Variants in AFG3L2 observed in about 807,000 individuals in gnomAD.
AFG3L2 encodes mitochondrial inner membrane m-AAA protease component AFG3L2.
AFG3L2 carries 54 observed loss-of-function variants against 94.5 expected under a neutral mutation model. The ratio of observed to expected loss-of-function variants is 0.57; its 90% CI spans 0.46 to 0.72. AFG3L2 has a LOEUF of 0.72. AFG3L2 is among the 30% of genes least tolerant of loss of function. The pLI, the probability that AFG3L2 is intolerant of heterozygous loss-of-function variation, is 0.00. For synonymous variants in AFG3L2, 377 were observed against 365.5 expected (o/e 1.03, Z -0.36); for missense variants, 754 against 994.9 (o/e 0.76, Z 3.26).
intron 16 of AFG3L2, among the ~76,000 whole-genome samples, chr18:12,334,915 T>TCTAC (rs1252846281): frequency 2.0e-5 from 3 of 152,194 alleles, no homozygotes; most frequent in African/African-American, 4.8e-5. Flanking sequence ...GCCTCAACTT[T>TCTAC]CTACCTAGCT....
intron 3 of AFG3L2, among the ~76,000 whole-genome samples, chr18:12,368,630 A>G (rs1291576092): frequency 6.6e-6 from 1 of 151,936 alleles, no homozygotes; most frequent in East Asian, 1.9e-4. Context: ...AGCTCACTGC[A>G]ACCTCTGCCT....
rs765992493 is a variant in AFG3L2, at chr18:12,344,174, C to G, written c.1737G>C (p.Ala579=). The G allele has an allele frequency of 6.2e-7, 1 of 1,614,032 alleles. No individual in the cohort carries two copies. Among genetic ancestry groups the G allele is most frequent in the Non-Finnish European group, 8.5e-7 (1 of 1,180,048 alleles). ...CGTGCTCCAGATACCAGCCGGCAAC[C>G]GCATGGCCTGCTTCGTGGTATGCCA... The part of the protein sequence containing the change: ...KTVAYHEAGH[A]VAGWYLEHAD... The change falls in exon 14 of 17, where the codon GCG becomes GCC. Residue 579 remains alanine, a synonymous_variant. Coordinates refer to ENST00000269143, the MANE Select transcript of AFG3L2 (RefSeq NM_006796.3).
intron 16 of AFG3L2, among the ~76,000 whole-genome samples, chr18:12,335,337 G>GT (rs1907707018): frequency 1.3e-5 from 2 of 152,144 alleles, no homozygotes; most frequent in Admixed American, 6.6e-5. Flanking sequence ...AGATGCATGC[G>GT]TAACTGACAT....
intron 12 of AFG3L2, among the ~76,000 whole-genome samples, chr18:12,350,326 TTA>T (rs1316686713): frequency 6.6e-6 from 1 of 152,146 alleles, no homozygotes; most frequent in Non-Finnish European, 1.5e-5. Context: ...TGTTTTAAAA[TTA>T]TAGTGATGGT....
In AFG3L2 at chr18:12,348,415, C is replaced by T. The variant is rs374648223; in HGVS notation, c.1553-32G>A. The T allele has an allele frequency of 7.7e-5, 120 of 1,550,246 alleles. 1 individual carries two copies. The highest frequency in any genetic ancestry group is 1.0e-4 in the Non-Finnish European group (112 of 1,122,374). ...AATGAACACAGAACAGCTTACCCAC[C>T]GAAATACGCCCAAACTGATCAGTCA... is the stretch of plus-strand genomic sequence containing the variant. On this transcript the variant is annotated intron_variant, in intron 12 of 16. Transcript: ENST00000269143.
chr18:12,376,917 G>C (rs1909177334), intron 1 of AFG3L2, 52 bp downstream of exon 1: 2 of 1,317,184 alleles, frequency 1.5e-6, no homozygotes, highest in East Asian at 3.2e-5. Context: ...TCCCGAGCCG[G>C]AAGTGGGCCC....
At chr18:12,357,161 T>A (rs1283403093) in intron 8 of AFG3L2, among the ~76,000 whole-genome samples, 1 of 152,210 alleles carries the variant, frequency 6.6e-6, no homozygotes, top group Non-Finnish European at 1.5e-5. Context: ...TAAGGTTTAC[T>A]TAAATAATTT....
At chr18:12,369,310 A>G (rs1020047295) in intron 3 of AFG3L2, among the ~76,000 whole-genome samples, 1 of 152,084 alleles carries the variant, frequency 6.6e-6, no homozygotes, top group Non-Finnish European at 1.5e-5. Flanking sequence ...GCTCCAATCT[A>G]GAGCCCCGGG....
intron 3 of AFG3L2, 120 bp downstream of exon 3, chr18:12,370,729 G>T: frequency 1.4e-6 from 1 of 721,836 alleles, no homozygotes; most frequent in South Asian, 1.6e-5. Flanking sequence ...AAAAGGCTGG[G>T]ATTACAGGCG....
intron 1 of AFG3L2, among the ~76,000 whole-genome samples, chr18:12,374,363 A>T (rs1941222): frequency 0.28 from 42,669 of 152,090 alleles, 6,973 homozygotes; most frequent in African/African-American, 0.43. Context: ...TCCTCTGGGC[A>T]TCACACCTGA....
chr18:12,372,197 G>A (rs1377885768), intron 1 of AFG3L2, among the ~76,000 whole-genome samples: 1 of 152,102 alleles, frequency 6.6e-6, no homozygotes, highest in African/African-American at 2.4e-5. Flanking sequence ...CTAGCTACTC[G>A]GGAGGCTGAG....
chr18:12,339,665 G>A (rs7504616), intron 15 of AFG3L2, among the ~76,000 whole-genome samples: 16,831 of 151,350 alleles, frequency 0.11, 991 homozygotes, highest in Middle Eastern at 0.2. Flanking sequence ...TGGCTAACAC[G>A]GTGAAACCCT....
rs766705942 is a variant in AFG3L2 at position 12,370,887 on chromosome 18, T to A, written c.254A>T (p.Lys85Ile). ...CATAACTTCTTTAGGTTCACTAGCT[T>A]TTTTTCCATTTTTTCCATTAGGAAA... ...KYFPNGKNGKKASEPKEVMGE... is the reference protein window; with the variant it reads ...KYFPNGKNGKIASEPKEVMGE... Residue 85 changes from lysine to isoleucine, a missense_variant, in exon 3 of 17, where the codon AAA becomes ATA. Physicochemically the swap from Lys to Ile is moderately radical, Grantham distance 102 (BLOSUM62 -3). Around this residue, in one of 4 missense-constraint regions of AFG3L2, gnomAD observed 236 missense variants for 214.0 expected, o/e 1.10. Transcript: ENST00000269143. 1.9e-6 allele frequency: 3 copies of A among 1,581,260 alleles called. No homozygotes were observed. The highest frequency in any genetic ancestry group is 2.6e-6 in the Non-Finnish European group (3 of 1,153,924).
Position 12,347,528 on chromosome 18 carries a change from G to GTTATT in AFG3L2, c.1663+740_1663+744dup, listed in dbSNP as rs983912570. On this transcript the variant is annotated intron_variant, in intron 13 of 16. Coordinates refer to ENST00000269143, the MANE Select transcript of AFG3L2 (RefSeq NM_006796.3). ...CACTTCCAGCTCTACGCCTGTTACA[G>GTTATT]TTATTTTATTTTATTTATTATTATT... Among the ~76,000 whole-genome samples, 143 of 149,902 alleles carry GTTATT rather than the reference G, an allele frequency of 9.5e-4. 1 individual carries two copies. Among genetic ancestry groups the GTTATT allele is most frequent in the African/African-American group, 3.4e-3 (139 of 40,906 alleles).
chr18:12,334,584 T>C (rs1445211306), intron 16 of AFG3L2, among the ~76,000 whole-genome samples: 1 of 152,190 alleles, frequency 6.6e-6, no homozygotes, highest in Non-Finnish European at 1.5e-5. Flanking sequence ...TGCCCAGGGA[T>C]GCCTTGGAGT....
rs939903726 is a variant in AFG3L2, at chr18:12,333,662, G to A, written c.2175+3679C>T. On this transcript the variant is annotated intron_variant, in intron 16 of 16. Transcript: ENST00000269143. ...TTATAGACATGTGCCACAGTTCTTG[G>A]CCAAAATATTATTTCAACATGTGAC... Among the ~76,000 whole-genome samples the A allele has an allele frequency of 2.6e-5, 4 of 152,220 alleles. No individual in the cohort carries two copies. The East Asian group carries it at 5.8e-4, about 22-fold the overall frequency.
intron 16 of AFG3L2, among the ~76,000 whole-genome samples, chr18:12,331,280 A>T (rs1907515949): frequency 6.6e-6 from 1 of 152,050 alleles, no homozygotes; most frequent in Admixed American, 6.6e-5. Context: ...ACGACGACAA[A>T]ATCAACTAAC....
intron 2 of AFG3L2, 84 bp from the exon 3 acceptor site, chr18:12,371,010 C>A: frequency 1.2e-6 from 1 of 856,596 alleles, no homozygotes; most frequent in Non-Finnish European, 1.8e-6. Context: ...GCAGCTGATG[C>A]ATCACTGAAA....
chr18:12,348,835 A>G (rs1908225005), intron 12 of AFG3L2, among the ~76,000 whole-genome samples: 1 of 152,262 alleles, frequency 6.6e-6, no homozygotes, highest in African/African-American at 2.4e-5. Context: ...ATTTAAATAT[A>G]GCTAAAAGCT....
Sources: gnomAD v4.1 joint callset for allele counts (sites outside exome capture counted in the v4.1 genomes callset) on GRCh38, gnomAD v4.1.1 for gene constraint, gnomAD v4.1.1 regional missense constraint, MANE v1.5 for transcripts, NCBI Gene and HGNC (gene_info 2026-07-23, HGNC 2026-07-21) for gene names.